Variants in PTK2 observed in about 807,000 individuals in gnomAD.
The protein encoded by PTK2 is protein tyrosine kinase 2.
A neutral mutation model predicts 150.1 loss-of-function variants in PTK2; 45 were observed. The ratio of observed to expected loss-of-function variants is 0.30; its 90% CI spans 0.24 to 0.38. The LOEUF (loss-of-function observed/expected upper bound fraction) is 0.38. PTK2 is among the 10% of genes least tolerant of loss of function. The pLI is 1.00. For synonymous variants in PTK2, 432 were observed against 449.2 expected, an observed-to-expected ratio of 0.96 and a Z score of 0.48; for missense variants, 919 against 1,307.3, an observed-to-expected ratio of 0.70 and a Z score of 4.58.
At chr8:140,717,376 T>C (rs573632347) in intron 23 of PTK2, among the ~76,000 whole-genome samples, 21 of 152,328 alleles carry the variant, frequency 1.4e-4, no homozygotes, top group South Asian at 1.0e-3. Context: ...CAACTGCTCA[T>C]GGCTTCAAAG....
chr8:140,861,820 A>C (rs1294778168), intron 5 of PTK2, among the ~76,000 whole-genome samples: 1 of 152,216 alleles, frequency 6.6e-6, no homozygotes, highest in Non-Finnish European at 1.5e-5. Flanking sequence ...CTTTAAGCGA[A>C]ATTTCATTAA....
chr8:140,818,140 C>T, intron 10 of PTK2, 137 bp downstream of exon 10: 1 of 730,258 alleles, frequency 1.4e-6, no homozygotes, highest in Non-Finnish European at 2.3e-6. Context: ...ACTTGTCCCC[C>T]ACTCCACTGA....
At position 140,906,466 on chromosome 8, in the gene PTK2, T is replaced by C. The variant is rs71513624; in HGVS notation, c.-32-15697A>G. ...TGGACAATGTGGTATATATACACAA[T>C]GGAATATTATTCAGCAACAGAAGAA... On this transcript the variant is annotated intron_variant, in intron 2 of 31. Coordinates refer to ENST00000522684, the Ensembl canonical transcript of PTK2. Among the ~76,000 whole-genome samples, 363 of 152,240 alleles carry C rather than the reference T, an allele frequency of 2.4e-3. 2 individuals carry two copies. The highest frequency in any genetic ancestry group is 3.7e-3 in the Non-Finnish European group (252 of 68,000).
chr8:140,721,917 C>T (rs2154300131), intron 22 of PTK2: 1 of 152,308 alleles, frequency 6.6e-6, no homozygotes, highest in Non-Finnish European at 1.5e-5. Flanking sequence ...TAACTCTTGC[C>T]AAAAGGCATT....
intron 8 of PTK2, among the ~76,000 whole-genome samples, chr8:140,829,536 G>A (rs1331238927): frequency 6.6e-6 from 1 of 152,004 alleles, no homozygotes; most frequent in Non-Finnish European, 1.5e-5. Context: ...CCCATTTTAC[G>A]GATGTGTAAA....
chr8:140,851,802 T>G (rs984759210), intron 5 of PTK2, among the ~76,000 whole-genome samples: 1 of 149,386 alleles, frequency 6.7e-6, no homozygotes, highest in Non-Finnish European at 1.5e-5. Context: ...GAGGTTGCAG[T>G]GAGCCGAGAT....
Position 140,792,507 on chromosome 8 carries a change from C to T in PTK2, c.1124+847G>A, listed in dbSNP as rs535840480. ...GCTGATTCTGCTTTGTATCCATTTG[C>T]TGTAATACATCATAGCTGAGTCCTG... On this transcript the variant is annotated intron_variant, in intron 13 of 31. Transcript: ENST00000522684. Among the ~76,000 whole-genome samples, 5 of 152,330 alleles carry T rather than the reference C, an allele frequency of 3.3e-5. No homozygotes were observed. In the East Asian group the frequency reaches 9.6e-4, roughly 29 times the overall value.
At chr8:140,718,732 GTTTCTCACACAACTCAAC>G (rs996033780) in intron 22 of PTK2, 1 of 152,162 alleles carries the variant, frequency 6.6e-6, no homozygotes, top group Non-Finnish European at 1.5e-5. Flanking sequence ...AGAATGTGCT[GTTTCTCACACAACTCAAC>G]TTACACAGTC....
intron 3 of PTK2, among the ~76,000 whole-genome samples, chr8:140,889,359 A>G (rs2100153454): frequency 6.6e-6 from 1 of 152,058 alleles, no homozygotes; most frequent in Admixed American, 6.5e-5. Flanking sequence ...CCTCCTGAGT[A>G]GCTGGGACTA....
At chr8:140,985,455 A>G (rs1588727684) in intron 1 of PTK2, among the ~76,000 whole-genome samples, 1 of 152,180 alleles carries the variant, frequency 6.6e-6, no homozygotes, top group Non-Finnish European at 1.5e-5. Context: ...CTATGGTTTC[A>G]GCTACCTCTC....
At chr8:140,658,878 G>A (rs1430861214) in exon 32 of PTK2, 1 of 226,584 alleles carries the variant, frequency 4.4e-6, no homozygotes, top group Non-Finnish European at 8.8e-6. Flanking sequence ...TAAAAGGCAG[G>A]TAAGACAAAA....
At chr8:140,758,578 A>G (rs2154541342) in intron 16 of PTK2, among the ~76,000 whole-genome samples, 1 of 152,320 alleles carries the variant, frequency 6.6e-6, no homozygotes, top group East Asian at 1.9e-4. Context: ...GATGTGGATG[A>G]TCTCAACACT....
chr8:140,672,581 G>C (rs537888313), intron 29 of PTK2, among the ~76,000 whole-genome samples: 2 of 148,414 alleles, frequency 1.3e-5, no homozygotes, highest in Non-Finnish European at 1.5e-5. Context: ...TGGCCACAGA[G>C]GGCAGGCTTG....
intron 7 of PTK2, chr8:140,832,946 C>T (rs1414710920): frequency 1.9e-6 from 1 of 519,018 alleles, no homozygotes; most frequent in South Asian, 1.4e-5. Context: ...TCCTCTCCGC[C>T]ACTGTGTGGC....
At chr8:140,685,558 C>T (rs2100019325) in intron 27 of PTK2, among the ~76,000 whole-genome samples, 1 of 152,032 alleles carries the variant, frequency 6.6e-6, no homozygotes, top group Admixed American at 6.6e-5. Flanking sequence ...ACCAAACAGC[C>T]CCATTAAAAA....
At chr8:140,732,720 T>A (rs888018145) in intron 22 of PTK2, 67 of 360,398 alleles carry the variant, frequency 1.9e-4, no homozygotes, top group South Asian at 1.5e-4. Context: ...CTCAACAGTG[T>A]TTATCGAACT....
chr8:140,750,132 T>C (rs919143790), intron 17 of PTK2: 6 of 152,218 alleles, frequency 3.9e-5, no homozygotes, highest in Admixed American at 3.9e-4. Context: ...TCTCTTGTAC[T>C]TAAGTCAAAG....
chr8:140,660,460 T>C (rs990320255), intron 31 of PTK2: 18 of 394,650 alleles, frequency 4.6e-5, no homozygotes, highest in Non-Finnish European at 8.8e-5. Context: ...AGTGGCTCAC[T>C]CCTGTACAAT....
At chr8:140,831,064 AAAAC>A (rs1178492420) in intron 7 of PTK2, among the ~76,000 whole-genome samples, 4 of 152,234 alleles carry the variant, frequency 2.6e-5, no homozygotes, top group South Asian at 4.1e-4. Context: ...ACATTAGGAA[AAAAC>A]AAACAGATAA....
Sources: gnomAD v4.1 joint callset for allele counts (sites outside exome capture counted in the v4.1 genomes callset) on GRCh38, gnomAD v4.1.1 for gene constraint, MANE v1.5 for transcripts, NCBI Gene and HGNC (gene_info 2026-07-23, HGNC 2026-07-21) for gene names.